ZNF827: variants seen among roughly 807,000 people sequenced by gnomAD.
ZNF827 encodes the protein zinc finger protein 827.
Under a neutral mutation model 102.4 loss-of-function variants are expected in ZNF827, and 13 were observed. The observed-to-expected ratio is 0.13, with a 90% CI of 0.08 to 0.20. The LOEUF is 0.20. Among genes scored for constraint, ZNF827 ranks in the 10% least tolerant of loss-of-function variants. The pLI is 1.00. For synonymous variants in ZNF827, 523 were observed against 536.2 expected (o/e 0.98, Z 0.34); for missense variants, 1,103 against 1,344.4 (o/e 0.82, Z 2.81).
At chr4:145,867,205 T>C (rs1345625132) in intron 5 of ZNF827, among the ~76,000 whole-genome samples, 1 of 152,208 alleles carries the variant, frequency 6.6e-6, no homozygotes, top group African/African-American at 2.4e-5. Context: ...GGCCCAGCTG[T>C]CAGGCATTCA....
At chr4:145,776,123 A>C (rs1227724801) in intron 9 of ZNF827, among the ~76,000 whole-genome samples, 163 bp from the exon 10 acceptor site, 1 of 152,156 alleles carries the variant, frequency 6.6e-6, no homozygotes, top group Admixed American at 6.5e-5. Flanking sequence ...AAAAGTCTTT[A>C]CCCAGCAGGT....
chr4:145,818,662 T>C (rs1742835053), intron 8 of ZNF827, among the ~76,000 whole-genome samples: 1 of 152,260 alleles, frequency 6.6e-6, no homozygotes, highest in Admixed American at 6.5e-5. Context: ...GATAGATTTA[T>C]ACGTGTGTCT....
intron 8 of ZNF827, among the ~76,000 whole-genome samples, chr4:145,804,452 G>A (rs954726813): frequency 1.3e-5 from 2 of 152,124 alleles, no homozygotes; most frequent in Non-Finnish European, 2.9e-5. Flanking sequence ...TTTTTTTCTG[G>A]TGGCTAAAAA....
At chr4:145,811,810 A>G (rs1330826696) in intron 8 of ZNF827, among the ~76,000 whole-genome samples, 3 of 152,250 alleles carry the variant, frequency 2.0e-5, no homozygotes, top group African/African-American at 4.8e-5. Context: ...AAAACTGGCC[A>G]TCGCTAAAAT....
At chr4:145,886,781 T>C (rs1462794799) in intron 3 of ZNF827, among the ~76,000 whole-genome samples, 1 of 150,972 alleles carries the variant, frequency 6.6e-6, no homozygotes, top group African/African-American at 2.4e-5. Context: ...CCTCACCAAG[T>C]ATTCTGAGCA....
intron 1 of ZNF827, among the ~76,000 whole-genome samples, chr4:145,937,401 T>C (rs1467422578): frequency 6.6e-6 from 1 of 151,750 alleles, no homozygotes; most frequent in African/African-American, 2.4e-5. Flanking sequence ...CTGCTCCGAC[T>C]GACCCCGCAT....
At chr4:145,907,964 T>C (rs1374720147) in intron 1 of ZNF827, among the ~76,000 whole-genome samples, 1 of 152,208 alleles carries the variant, frequency 6.6e-6, no homozygotes, top group East Asian at 1.9e-4. Context: ...TTCCACTACC[T>C]AACACATTTA....
chr4:145,826,305 T>G (rs765702464), intron 7 of ZNF827, among the ~76,000 whole-genome samples: 1 of 152,250 alleles, frequency 6.6e-6, no homozygotes, highest in Non-Finnish European at 1.5e-5. Context: ...AGGGTTCAAA[T>G]GAGATGTTTC....
chr4:145,896,152 G>C (rs987733069), intron 2 of ZNF827, among the ~76,000 whole-genome samples: 1 of 152,220 alleles, frequency 6.6e-6, no homozygotes, highest in Admixed American at 6.5e-5. Flanking sequence ...TGTAGTAGCC[G>C]TTGTTGTAGT....
At chr4:145,893,769 T>G (rs1350978016) in intron 2 of ZNF827, among the ~76,000 whole-genome samples, 1 of 152,220 alleles carries the variant, frequency 6.6e-6, no homozygotes, top group Non-Finnish European at 1.5e-5. Flanking sequence ...AACTAACCCT[T>G]TATTGGAAAT....
chr4:145,894,457 A>G (rs1750827297), intron 2 of ZNF827, among the ~76,000 whole-genome samples: 1 of 152,154 alleles, frequency 6.6e-6, no homozygotes, highest in Non-Finnish European at 1.5e-5. Flanking sequence ...TATTCCCAAG[A>G]GTATACTTTA....
At chr4:145,861,357 G>C (rs1747713989) in intron 5 of ZNF827, among the ~76,000 whole-genome samples, 1 of 152,088 alleles carries the variant, frequency 6.6e-6, no homozygotes, top group South Asian at 2.1e-4. Context: ...ACCTAGAATG[G>C]TGCAAGGTAC....
At chr4:145,937,015 C>G (rs1754231580) in intron 1 of ZNF827, among the ~76,000 whole-genome samples, 1 of 152,104 alleles carries the variant, frequency 6.6e-6, no homozygotes, top group African/African-American at 2.4e-5. Flanking sequence ...ACGCCTTCTC[C>G]CCTGCCCCCT....
At chr4:145,856,498 C>T (rs1332519123) in intron 5 of ZNF827, among the ~76,000 whole-genome samples, 1 of 152,298 alleles carries the variant, frequency 6.6e-6, no homozygotes, top group South Asian at 2.1e-4. Flanking sequence ...TGCAAGCCTG[C>T]TCCCAGGCCT....
intron 8 of ZNF827, among the ~76,000 whole-genome samples, chr4:145,782,191 T>C (rs1173417492): frequency 6.6e-6 from 1 of 152,206 alleles, no homozygotes. Flanking sequence ...TCCATTTTTA[T>C]TTTGCACACA....
At chr4:145,871,780 G>C (rs1278223684) in intron 4 of ZNF827, among the ~76,000 whole-genome samples, 1 of 152,170 alleles carries the variant, frequency 6.6e-6, no homozygotes, top group African/African-American at 2.4e-5. Context: ...ACCCCTGTAA[G>C]AATATGCATT....
chr4:145,804,765 T>C (rs1483688471), intron 8 of ZNF827, among the ~76,000 whole-genome samples: 1 of 152,212 alleles, frequency 6.6e-6, no homozygotes, highest in Non-Finnish European at 1.5e-5. Flanking sequence ...TTAGGTACTA[T>C]TTCCATGAGT....
intron 8 of ZNF827, among the ~76,000 whole-genome samples, chr4:145,812,641 T>A (rs1742143931): frequency 6.6e-6 from 1 of 152,068 alleles, no homozygotes; most frequent in Non-Finnish European, 1.5e-5. Context: ...GATTTTCCTG[T>A]CTCAGCCTCC....
At chr4:145,804,660 C>T (rs1467259151) in intron 8 of ZNF827, among the ~76,000 whole-genome samples, 1 of 152,190 alleles carries the variant, frequency 6.6e-6, no homozygotes, top group Non-Finnish European at 1.5e-5. Flanking sequence ...AACCTGAACC[C>T]TTCAGTGGCT....
Sources: gnomAD v4.1 joint callset for allele counts (sites outside exome capture counted in the v4.1 genomes callset) on GRCh38, gnomAD v4.1.1 for gene constraint, MANE v1.5 for transcripts, NCBI Gene and HGNC (gene_info 2026-07-23, HGNC 2026-07-21) for gene names.